The following C1QTNF3 variants were observed in gnomAD, a reference collection of about 807,000 sequenced individuals.
The protein encoded by C1QTNF3 is C1q and TNF related 3, also known as complement C1q tumor necrosis factor-related protein 3.
A neutral mutation model predicts 32.6 loss-of-function variants in C1QTNF3; 26 were observed. That is an observed-to-expected ratio of 0.80 (90% CI 0.58 to 1.11). The LOEUF (loss-of-function observed/expected upper bound fraction) is 1.11. Ranked by LOEUF, C1QTNF3 falls within the 50% of genes least tolerant of loss-of-function variation. The probability of loss-of-function intolerance (pLI) is 0.00; values close to 1 mark genes in which losing one functional copy is unlikely to be tolerated. For synonymous variants in C1QTNF3, 155 were observed against 146.0 expected, an observed-to-expected ratio of 1.06 and a Z score of -0.44; for missense variants, 362 against 398.2, an observed-to-expected ratio of 0.91 and a Z score of 0.77.
chr5:34,135,298 GTGCTGCTGGATTCAGTTTGCCAGTA>G, the C1QTNF3 span, among the ~76,000 whole-genome samples: 7 of 152,160 alleles, frequency 4.6e-5, no homozygotes, highest in African/African-American at 1.7e-4. Context: ...GCTTTTTGAT[GTGCTGCTGGATTCAGTTTGCCAGTA>G]TTTCATTAAG....
At chr5:34,232,133 T>C in the C1QTNF3 span, among the ~76,000 whole-genome samples, 1 of 148,892 alleles carries the variant, frequency 6.7e-6, no homozygotes, top group African/African-American at 2.5e-5. Context: ...TTGTCGGGTT[T>C]TGGACTTGCA....
At chr5:34,146,099 A>C in the C1QTNF3 span, among the ~76,000 whole-genome samples, 1 of 152,178 alleles carries the variant, frequency 6.6e-6, no homozygotes, top group Non-Finnish European at 1.5e-5. Flanking sequence ...ACTGCAAGAC[A>C]AAGGTGCCCA....
At chr5:34,218,007 C>T in the C1QTNF3 span, among the ~76,000 whole-genome samples, 2 of 150,886 alleles carry the variant, frequency 1.3e-5, no homozygotes, top group African/African-American at 4.9e-5. Flanking sequence ...TGGTTAGCAT[C>T]AGAAATGTAC....
At chr5:34,175,532 C>T in the C1QTNF3 span, 4 of 311,338 alleles carry the variant, frequency 1.3e-5, no homozygotes, top group East Asian at 7.5e-5. Flanking sequence ...TTTCCTTCAT[C>T]CTTGGCTATG....
chr5:34,084,773 T>C, the C1QTNF3 span, among the ~76,000 whole-genome samples: 1 of 133,918 alleles, frequency 7.5e-6, no homozygotes, highest in Non-Finnish European at 1.5e-5. Context: ...ATTCTGTAGG[T>C]TGCCTGGTTT....
At chr5:34,075,776 GAT>G in the C1QTNF3 span, among the ~76,000 whole-genome samples, 1 of 151,446 alleles carries the variant, frequency 6.6e-6, no homozygotes, top group Non-Finnish European at 1.5e-5. Context: ...GTCTCAAAGA[GAT>G]AATTGTGCAC....
chr5:34,217,558 T>A, the C1QTNF3 span, among the ~76,000 whole-genome samples: 3 of 151,980 alleles, frequency 2.0e-5, no homozygotes, highest in African/African-American at 7.2e-5. Flanking sequence ...AAGACATACC[T>A]CCCTAATGAG....
At chr5:34,233,823 G>A in the C1QTNF3 span, among the ~76,000 whole-genome samples, 1 of 151,974 alleles carries the variant, frequency 6.6e-6, no homozygotes, top group Non-Finnish European at 1.5e-5. Flanking sequence ...ATAATGTGGT[G>A]ATTCTGAATG....
chr5:34,186,777 TTC>T, the C1QTNF3 span, among the ~76,000 whole-genome samples: 6 of 152,068 alleles, frequency 3.9e-5, no homozygotes, highest in African/African-American at 9.6e-5. Flanking sequence ...CCCACATAAT[TTC>T]TGTTTGATTT....
At chr5:34,243,566 G>C in the C1QTNF3 span, among the ~76,000 whole-genome samples, 2 of 152,172 alleles carry the variant, frequency 1.3e-5, no homozygotes, top group Non-Finnish European at 2.9e-5. Context: ...AATGAACCTA[G>C]GTGCCCATCA....
rs1305040170 is a variant in C1QTNF3 at position 34,033,348 on chromosome 5, G to T, written c.526C>A (p.Pro176Thr). The T allele has an allele frequency of 6.2e-7, 1 of 1,613,682 alleles. No individual in the cohort carries two copies. Among genetic ancestry groups the T allele is most frequent in the African/African-American group, 1.3e-5 (1 of 74,832 alleles). The part of the protein sequence containing the change: ...GPRGERGQHG[P>T]KGEKGYPGIP... ...CCCGGGTAGCCCTTCTCTCCTTTGGGGCCATGCTGCCCCCGCTCCCCTCGA... is the reference window on the plus strand; with the variant it reads ...CCCGGGTAGCCCTTCTCTCCTTTGGTGCCATGCTGCCCCCGCTCCCCTCGA... The change falls in exon 3 of 6, where the codon CCC becomes ACC. Residue 176 changes from proline (P) to threonine (T), a missense_variant. Coordinates refer to ENST00000382065, the MANE Select transcript of C1QTNF3 (RefSeq NM_181435.6).
rs1754543599 is a variant in C1QTNF3 at position 34,028,877 on chromosome 5, A to G, written c.577T>C (p.Phe193Leu). ...PGIPPELQIA[F>L]MASLATHFSN... is the part of the protein sequence containing the mutation. ...AAGTGGGTTGCCAGAGAAGCCATGA[A>G]TGCAATCTAAGGAAAGAATTATTGG... Residue 193 changes from phenylalanine to leucine, a missense_variant, in exon 4 of 6, where the codon TTC (phenylalanine) becomes CTC (leucine). Coordinates refer to ENST00000382065, the MANE Select transcript of C1QTNF3 (RefSeq NM_181435.6). 3 of 1,609,994 alleles carry G rather than the reference A, an allele frequency of 1.9e-6. No individual in the cohort carries two copies. In the African/African-American group the frequency reaches 4.0e-5, roughly 22 times the overall value.
the C1QTNF3 span, chr5:34,175,787 G>A: frequency 4.0e-5 from 28 of 708,352 alleles, no homozygotes; most frequent in African/African-American, 1.9e-4. Context: ...AAATGAGGAC[G>A]GGTACATTAT....
At chr5:34,118,818 T>G in the C1QTNF3 span, among the ~76,000 whole-genome samples, 2 of 152,178 alleles carry the variant, frequency 1.3e-5, no homozygotes, top group African/African-American at 4.8e-5. Flanking sequence ...AATTCCTGCT[T>G]TTCATCACAT....
At chr5:34,197,585 A>C in the C1QTNF3 span, among the ~76,000 whole-genome samples, 1,824 of 152,236 alleles carry the variant, frequency 0.012, 44 homozygotes, top group African/African-American at 0.042. Context: ...TATGTATGAC[A>C]CAATTTATAG....
the C1QTNF3 span, among the ~76,000 whole-genome samples, chr5:34,178,284 G>A: frequency 1.1e-4 from 17 of 152,222 alleles, no homozygotes; most frequent in South Asian, 2.1e-4. Flanking sequence ...CTCCTCAAAG[G>A]AGAAAGAATT....
At chr5:34,141,084 T>C in the C1QTNF3 span, among the ~76,000 whole-genome samples, 29 of 152,166 alleles carry the variant, frequency 1.9e-4, no homozygotes, top group African/African-American at 6.3e-4. Flanking sequence ...TTCTAGAGGA[T>C]AGAAGTCTAA....
At chr5:34,168,298 T>G in the C1QTNF3 span, 7 of 151,928 alleles carry the variant, frequency 4.6e-5, no homozygotes, top group Non-Finnish European at 8.8e-5. Context: ...TGTGTGTGTG[T>G]GTGTGTGTGT....
the C1QTNF3 span, among the ~76,000 whole-genome samples, chr5:34,156,689 G>C: frequency 6.6e-6 from 1 of 152,060 alleles, no homozygotes. Context: ...GATGTTACTA[G>C]ATATTATATG....
Sources: allele counts gnomAD v4.1 joint callset (sites outside exome capture counted in the v4.1 genomes callset), GRCh38; gene constraint gnomAD v4.1.1; transcripts MANE v1.5; gene names NCBI Gene and HGNC (gene_info 2026-07-23, HGNC 2026-07-21).